PI4KB: variants seen among roughly 807,000 people sequenced by gnomAD.
PI4KB encodes phosphatidylinositol 4-kinase beta, also known as PtdIns 4-kinase beta.
Under a neutral mutation model 81.4 loss-of-function variants are expected in PI4KB, and 23 were observed. The ratio of observed to expected loss-of-function variants is 0.28; its 90% confidence interval spans 0.20 to 0.40. The LOEUF (loss-of-function observed/expected upper bound fraction) is 0.40. Ranked by LOEUF, PI4KB falls within the 10% of genes least tolerant of loss-of-function variation. The pLI, the probability that PI4KB is intolerant of heterozygous loss-of-function variation, is 1.00. For synonymous variants in PI4KB, 381 were observed against 406.8 expected (o/e 0.94, Z 0.76); for missense variants, 651 against 1,036.6 (o/e 0.63, Z 5.11).
intron 1 of PI4KB, among the ~76,000 whole-genome samples, chr1:151,319,054 A>G (rs1648453815): frequency 6.6e-6 from 1 of 152,258 alleles, no homozygotes; most frequent in Non-Finnish European, 1.5e-5. Flanking sequence ...AACTTATGCA[A>G]GCCATTTATC....
chr1:151,308,724 G>A lies in PI4KB; in HGVS notation c.955-923C>T, dbSNP rs587731539. 5.9e-5 allele frequency among the ~76,000 whole-genome samples: 9 copies of A among 152,218 alleles called. No individual in the cohort carries two copies. In the East Asian group the frequency reaches 1.7e-3, roughly 29 times the overall value. On this transcript the variant is annotated intron_variant, in intron 3 of 11. Transcript: ENST00000368873. The stretch of plus-strand genomic sequence containing the variant: ...AGGGACTCAGCTAGACACGAAGAAA[G>A]GCTCTCTTCCCAGTCTAAGCCCTTC...
rs767315825 is a variant in PI4KB at position 151,316,498 on chromosome 1, C to T, written c.-17G>A. On this transcript the variant is annotated 5_prime_UTR_variant, in exon 2 of 12. Coordinates refer to ENST00000368873, the MANE Select transcript of PI4KB (RefSeq NM_001369623.2). ...ATCTCCCATGGCCACAGCCAGACTT[C>T]GAGCTTCCAAGCTACAGGAAGAGGG... 46 of 1,509,050 alleles carry T rather than the reference C, an allele frequency of 3.0e-5. No individual in the cohort carries two copies. Among genetic ancestry groups the T allele is most frequent in the African/African-American group, 1.8e-4 (13 of 71,510 alleles). 93.5% of individuals were successfully genotyped at this position (1,509,050 alleles called of 1,614,324 possible).
chr1:151,292,827 C>A lies in PI4KB; in HGVS notation c.*25G>T, dbSNP rs775986508. On this transcript the variant is annotated 3_prime_UTR_variant, in exon 12 of 12. Transcript: ENST00000368873. ...TCTAGGGAGGGTGCCCTGGACCCCC[C>A]ACCACTCCTGGGCTGAGGAGCGTGT... The A allele has an allele frequency of 1.6e-5, 26 of 1,608,458 alleles. No individual in the cohort carries two copies. The highest frequency in any genetic ancestry group is 3.6e-4 in the Middle Eastern group (2 of 5,522).
At chr1:151,326,084 G>A in intron 1 of PI4KB, 1 of 1,235,568 alleles carries the variant, frequency 8.1e-7, no homozygotes, top group Non-Finnish European at 1.2e-6. Flanking sequence ...GATTCCTCAT[G>A]GATCTGGACA....
At chr1:151,303,279 G>A (rs1695461896) in intron 6 of PI4KB, 3 of 388,548 alleles carry the variant, frequency 7.7e-6, no homozygotes, top group Non-Finnish European at 4.9e-6. Context: ...GGTTACAGGT[G>A]TGAGCCACTA....
intron 2 of PI4KB, among the ~76,000 whole-genome samples, chr1:151,315,178 C>T (rs184402893): frequency 6.6e-6 from 1 of 152,078 alleles, no homozygotes; most frequent in Non-Finnish European, 1.5e-5. Flanking sequence ...GGGATTTTGC[C>T]ATGTTGGCCA....
At chr1:151,301,396 ATTTTTATTTTTT>A (rs1470172571) in intron 8 of PI4KB, among the ~76,000 whole-genome samples, 2 of 148,600 alleles carry the variant, frequency 1.3e-5, no homozygotes, top group African/African-American at 5.0e-5. Context: ...TTGTATTTTT[ATTTTTATTTTTT>A]TTTTTTTGAG....
Position 151,316,280 on chromosome 1 carries a change from C to G in PI4KB, c.202G>C (p.Val68Leu). The G allele has an allele frequency of 6.2e-7, 1 of 1,614,216 alleles. No homozygotes were observed. Among genetic ancestry groups the G allele is most frequent in the South Asian group, 1.1e-5 (1 of 91,088 alleles). ...TCCAGTGGGGTGCCTCTGCTAGAGA[C>G]TGCCACGCCTCCATGCAAAAGCTTG... ...KVKLLHGGVA[V>L]SSRGTPLELV... The change falls in exon 2 of 12, where the codon GTC (valine) becomes CTC (leucine). Residue 68 changes from valine to leucine, a missense_variant. Around this residue, in one of 5 missense-constraint regions of PI4KB, gnomAD observed 314 missense variants for 397.8 expected, o/e 0.79. Coordinates refer to ENST00000368873, the MANE Select transcript of PI4KB (RefSeq NM_001369623.2).
intron 1 of PI4KB, among the ~76,000 whole-genome samples, chr1:151,319,837 G>A (rs1648580662): frequency 6.6e-6 from 1 of 152,198 alleles, no homozygotes; most frequent in African/African-American, 2.4e-5. Flanking sequence ...GCATGAGCAA[G>A]AGGAAAGATT....
intron 8 of PI4KB, among the ~76,000 whole-genome samples, chr1:151,299,551 G>A (rs942956264): frequency 6.6e-6 from 1 of 152,034 alleles, no homozygotes; most frequent in African/African-American, 2.4e-5. Flanking sequence ...TTAGCCAGGC[G>A]TGGTGGTGTA....
intron 8 of PI4KB, among the ~76,000 whole-genome samples, chr1:151,301,224 C>CT (rs1346084866): frequency 1.1e-4 from 16 of 150,918 alleles, no homozygotes; most frequent in Non-Finnish European, 1.0e-4. Context: ...CCTTTCTCTC[C>CT]TTTTTTTTTG....
In PI4KB at chr1:151,315,550, T is replaced by C. The variant is rs1469741634; in HGVS notation, c.909+23A>G. Reference sequence around the variant, plus strand: ...ATGCAGCCCTCTACCACCTTTTGTCTCTGGCCCTCCCCAGAATTTTACCTC... The same window carrying C: ...ATGCAGCCCTCTACCACCTTTTGTCCCTGGCCCTCCCCAGAATTTTACCTC... On this transcript the variant is annotated intron_variant, in intron 2 of 11. Coordinates refer to ENST00000368873, the MANE Select transcript of PI4KB (RefSeq NM_001369623.2). 6.3e-6 allele frequency: 10 copies of C among 1,576,786 alleles called. No individual in the cohort carries two copies. In the Admixed American group the frequency reaches 1.7e-4, roughly 26 times the overall value.
chr1:151,313,587 T>A (rs1487293898), intron 2 of PI4KB, among the ~76,000 whole-genome samples: 1 of 152,260 alleles, frequency 6.6e-6, no homozygotes, highest in Non-Finnish European at 1.5e-5. Context: ...GACTCCAAGA[T>A]GAGACAGCTA....
rs200543860 is a variant in PI4KB at position 151,310,163 on chromosome 1, C to A, written c.954+48G>T. The stretch of plus-strand genomic sequence containing the variant: ...AAGACCTGGGGACGGAGAGGAAATG[C>A]GGCCACTGGGGGAGCCTGCCACCCC... On this transcript the variant is annotated intron_variant, in intron 3 of 11. Transcript: ENST00000368873. 45 of 1,382,724 alleles carry A rather than the reference C, an allele frequency of 3.3e-5. No homozygotes were observed. The African/African-American group carries it at 5.4e-4, about 17-fold the overall frequency. The allele number at this position is 1,382,724 out of a possible 1,614,324, so 85.7% of individuals were successfully genotyped here.
chr1:151,304,928 C>T (rs1013006935), intron 5 of PI4KB, among the ~76,000 whole-genome samples: 5 of 151,448 alleles, frequency 3.3e-5, no homozygotes, highest in African/African-American at 4.9e-5. Context: ...CTCCTGGGTT[C>T]GAATAATTCT....
chr1:151,297,413 C>T (rs1193144951), intron 9 of PI4KB, among the ~76,000 whole-genome samples: 6 of 149,858 alleles, frequency 4.0e-5, no homozygotes, highest in Non-Finnish European at 5.9e-5. Flanking sequence ...ATGATCTTGG[C>T]TCACTGCAAT....
chr1:151,319,112 T>G (rs986315284), intron 1 of PI4KB, among the ~76,000 whole-genome samples: 2 of 152,226 alleles, frequency 1.3e-5, no homozygotes, highest in Non-Finnish European at 2.9e-5. Flanking sequence ...TGTTGCTATG[T>G]GGAACAAATA....
In PI4KB at chr1:151,327,309, G is replaced by T; in HGVS notation, c.-67C>A. On this transcript the variant is annotated 5_prime_UTR_variant, in exon 1 of 12. Coordinates refer to ENST00000368873, the MANE Select transcript of PI4KB (RefSeq NM_001369623.2). The stretch of plus-strand genomic sequence containing the variant: ...CCGCGGAGGGGGTGCGGGCAGTCGC[G>T]GTTGGACTGCCGACACTGCCGCCTC... The T allele has an allele frequency of 2.5e-6, 1 of 395,836 alleles. No individual in the cohort carries two copies. Among genetic ancestry groups the T allele is most frequent in the Non-Finnish European group, 4.4e-6 (1 of 225,138 alleles). The allele number at this position is 395,836 out of a possible 1,614,324, so 24.5% of individuals were successfully genotyped here.
In PI4KB at chr1:151,302,409, A is replaced by G. The variant is rs1018031914; in HGVS notation, c.1521-111T>C. On this transcript the variant is annotated intron_variant, in intron 6 of 11. Transcript: ENST00000368873. ...TCCTGGATTCTGGACACACAAAGATAGGAACCCAGGCTGAAAGGGACTCAT... is the reference window on the plus strand; with the variant it reads ...TCCTGGATTCTGGACACACAAAGATGGGAACCCAGGCTGAAAGGGACTCAT... 4.1e-6 allele frequency: 3 copies of G among 739,476 alleles called. No homozygotes were observed. In the African/African-American group the frequency reaches 5.3e-5, roughly 13 times the overall value. The allele number at this position is 739,476 out of a possible 1,614,324, so 45.8% of individuals were successfully genotyped here.
Sources: gnomAD v4.1 joint callset for allele counts (sites outside exome capture counted in the v4.1 genomes callset) on GRCh38, gnomAD v4.1.1 for gene constraint, gnomAD v4.1.1 regional missense constraint, MANE v1.5 for transcripts, NCBI Gene and HGNC (gene_info 2026-07-23, HGNC 2026-07-21) for gene names.